PTPN4: variants seen among roughly 807,000 people sequenced by gnomAD.
PTPN4 encodes the protein tyrosine-protein phosphatase non-receptor type 4.
Under a neutral mutation model 135.5 loss-of-function variants are expected in PTPN4, and 49 were observed. The ratio of observed to expected loss-of-function variants is 0.36; its 90% CI spans 0.29 to 0.46. The LOEUF (loss-of-function observed/expected upper bound fraction) is 0.46. Ranked by LOEUF, PTPN4 falls within the 20% of genes least tolerant of loss-of-function variation. PTPN4 has a pLI of 1.00. For synonymous variants in PTPN4, 333 were observed against 369.9 expected, an observed-to-expected ratio of 0.90 and a Z score of 1.14; for missense variants, 860 against 1,101.0, an observed-to-expected ratio of 0.78 and a Z score of 3.10.
At chr2:119,956,708 T>C in intron 20 of PTPN4, 136 bp from the exon 21 acceptor site, 2 of 1,416,514 alleles carry the variant, frequency 1.4e-6, no homozygotes, top group African/African-American at 1.4e-5. Context: ...TACTAGACTA[T>C]GGTATATCAT....
intron 15 of PTPN4, among the ~76,000 whole-genome samples, chr2:119,941,822 AAAAAGAGGTT>A (rs1419442770): frequency 1.3e-5 from 2 of 152,178 alleles, no homozygotes; most frequent in East Asian, 1.9e-4. Flanking sequence ...TTGATTGTTT[AAAAAGAGGTT>A]AAAAGAGGTT....
At chr2:119,771,236 A>T (rs1230752960) in intron 1 of PTPN4, among the ~76,000 whole-genome samples, 1 of 152,214 alleles carries the variant, frequency 6.6e-6, no homozygotes, top group African/African-American at 2.4e-5. Context: ...CTGAATGTAG[A>T]TGAGTGAATG....
At position 119,980,308 on chromosome 2, in the gene PTPN4, A is replaced by T. The variant is rs1029924483; in HGVS notation, c.*3238A>T. ...CAAAGGCTAATGCCCACAGAGGAAAATGATTATTTTAACTTCTGGGTTATC... is the reference window on the plus strand; with the variant it reads ...CAAAGGCTAATGCCCACAGAGGAAATTGATTATTTTAACTTCTGGGTTATC... On this transcript the variant is annotated 3_prime_UTR_variant, in exon 27 of 27. Coordinates refer to ENST00000263708, the MANE Select transcript of PTPN4 (RefSeq NM_002830.4). 3.3e-5 allele frequency: 5 copies of T among 152,254 alleles called. No individual in the cohort carries two copies. The highest frequency in any genetic ancestry group is 1.2e-4 in the African/African-American group (5 of 41,570). 9.4% of individuals were successfully genotyped at this position (152,254 alleles called of 1,614,324 possible).
chr2:119,841,763 C>T (rs1677385241), intron 2 of PTPN4, among the ~76,000 whole-genome samples: 1 of 152,136 alleles, frequency 6.6e-6, no homozygotes, highest in Non-Finnish European at 1.5e-5. Context: ...AGTAAATAAT[C>T]ATGGGCTTTT....
At chr2:119,889,202 G>C (rs1012024884) in intron 9 of PTPN4, among the ~76,000 whole-genome samples, 2 of 152,106 alleles carry the variant, frequency 1.3e-5, no homozygotes, top group Non-Finnish European at 2.9e-5. Context: ...GGCGGATCAC[G>C]AGGTCAGGAG....
At chr2:119,880,389 T>C (rs1678053172) in intron 5 of PTPN4, among the ~76,000 whole-genome samples, 1 of 152,304 alleles carries the variant, frequency 6.6e-6, no homozygotes, top group Middle Eastern at 3.4e-3. Context: ...AAATCCTGAC[T>C]ATAAGATTGT....
chr2:119,915,222 A>C lies in PTPN4; in HGVS notation c.808A>C (p.Ile270Leu), dbSNP rs372225039. Reference protein sequence around the residue: ...KISFKCKQFFIQLRKELHESR... With the variant: ...KISFKCKQFFLQLRKELHESR... ...TTCTTTTAAGTGCAAACAGTTTTTT[A>C]TTCAACTTAGAAAAGAATTGGTGAG... Residue 270 changes from isoleucine to leucine, a missense_variant, in exon 11 of 27, where the codon ATT (isoleucine) becomes CTT (leucine). By Grantham distance (5) the Ile-to-Leu change is conservative. This residue lies in a region of PTPN4 where 684 missense variants were observed against 807.0 expected (regional missense o/e 0.85). Transcript: ENST00000263708. 10 of 1,541,454 alleles carry C rather than the reference A, an allele frequency of 6.5e-6. No homozygotes were observed. In the South Asian group the frequency reaches 1.2e-4, roughly 19 times the overall value.
chr2:119,882,026 T>A, intron 6 of PTPN4, 71 bp from the exon 7 acceptor site: 1 of 1,389,740 alleles, frequency 7.2e-7, no homozygotes, highest in Non-Finnish European at 1.0e-6. Flanking sequence ...TGTGATTGTT[T>A]AACAAATTAT....
chr2:119,859,404 A>G (rs1677727041), intron 2 of PTPN4, among the ~76,000 whole-genome samples: 1 of 152,232 alleles, frequency 6.6e-6, no homozygotes, highest in Admixed American at 6.5e-5. Flanking sequence ...CCTTGGTAGC[A>G]TACAGGTCTT....
intron 22 of PTPN4, 69 bp from the exon 23 acceptor site, chr2:119,960,738 A>T: frequency 2.7e-6 from 4 of 1,503,958 alleles, no homozygotes; most frequent in Non-Finnish European, 3.6e-6. Flanking sequence ...TTAGTGGATG[A>T]TTTTCCTATT....
chr2:119,785,131 G>A (rs1691024161), intron 1 of PTPN4, among the ~76,000 whole-genome samples: 1 of 152,170 alleles, frequency 6.6e-6, no homozygotes, highest in Non-Finnish European at 1.5e-5. Flanking sequence ...ACTGGAGCCA[G>A]TAGCACTTTA....
At chr2:119,779,225 A>G (rs1165019787) in intron 1 of PTPN4, among the ~76,000 whole-genome samples, 1 of 152,230 alleles carries the variant, frequency 6.6e-6, no homozygotes, top group Admixed American at 6.5e-5. Flanking sequence ...TTATACTACC[A>G]GCATTTGAAT....
chr2:119,902,448 G>A (rs577501809), intron 10 of PTPN4, among the ~76,000 whole-genome samples: 2 of 152,284 alleles, frequency 1.3e-5, no homozygotes, highest in South Asian at 4.1e-4. Context: ...CATAGAAAAG[G>A]AAAATAATAT....
At chr2:119,976,551 G>A (rs1679621127) in intron 26 of PTPN4, among the ~76,000 whole-genome samples, 2 of 150,784 alleles carry the variant, frequency 1.3e-5, no homozygotes, top group Admixed American at 1.3e-4. Context: ...CCTGGTCCCT[G>A]TTGATGGCAA....
rs1679135396 is a variant in PTPN4 at position 119,946,555 on chromosome 2, G to A, written c.1637G>A (p.Arg546Gln). ...YDQKMPVIVSRVAPGTPADLC... is the reference protein window; with the variant it reads ...YDQKMPVIVSQVAPGTPADLC... ...CAGAAGATGCCTGTGATTGTGTCTC[G>A]AGTAGCACCAGGAACACCTGTGAGT... The change falls in exon 18 of 27, where the codon CGA becomes CAA. Residue 546 changes from arginine to glutamine, a missense_variant. By Grantham distance (43) the Arg-to-Gln change is conservative. Coordinates refer to ENST00000263708, the MANE Select transcript of PTPN4 (RefSeq NM_002830.4). 3.1e-6 allele frequency: 5 copies of A among 1,608,130 alleles called. No individual in the cohort carries two copies. The highest frequency in any genetic ancestry group is 1.3e-5 in the African/African-American group (1 of 74,690).
intron 3 of PTPN4, among the ~76,000 whole-genome samples, chr2:119,866,405 T>G (rs1485177657): frequency 2.0e-5 from 3 of 152,102 alleles, no homozygotes; most frequent in African/African-American, 7.2e-5. Flanking sequence ...GCATAGCTCC[T>G]AACCCTGTGG....
chr2:119,965,700 A>T, intron 25 of PTPN4, 55 bp downstream of exon 25: 1 of 1,535,548 alleles, frequency 6.5e-7, no homozygotes, highest in Non-Finnish European at 8.8e-7. Flanking sequence ...CGTCATTTTT[A>T]AAAGAGAGTA....
At chr2:119,949,457 A>T (rs1679181128) in intron 18 of PTPN4, among the ~76,000 whole-genome samples, 1 of 152,162 alleles carries the variant, frequency 6.6e-6, no homozygotes, top group African/African-American at 2.4e-5. Context: ...CATCTTCTGA[A>T]ATGGATAAAA....
At chr2:119,820,497 T>A (rs1048445827) in intron 2 of PTPN4, among the ~76,000 whole-genome samples, 1 of 152,222 alleles carries the variant, frequency 6.6e-6, no homozygotes, top group Non-Finnish European at 1.5e-5. Context: ...GATTCCCATG[T>A]GGATTCAAGA....
Sources: allele counts gnomAD v4.1 joint callset (sites outside exome capture counted in the v4.1 genomes callset), GRCh38; gene constraint gnomAD v4.1.1; regional missense constraint gnomAD v4.1.1; transcripts MANE v1.5; gene names NCBI Gene and HGNC (gene_info 2026-07-23, HGNC 2026-07-21).